COL14A1: variants seen among roughly 807,000 people sequenced by gnomAD.
The protein encoded by COL14A1 is collagen alpha-1(XIV) chain.
Under a neutral mutation model 230.3 loss-of-function variants are expected in COL14A1, and 136 were observed. The ratio of observed to expected loss-of-function variants is 0.59; its 90% CI spans 0.51 to 0.68. The LOEUF (loss-of-function observed/expected upper bound fraction) is 0.68. Ranked by LOEUF, COL14A1 falls within the 30% of genes least tolerant of loss-of-function variation. The pLI, the probability that COL14A1 is intolerant of heterozygous loss-of-function variation, is 0.00. For synonymous variants in COL14A1, 792 were observed against 784.1 expected, an observed-to-expected ratio of 1.01 and a Z score of -0.17; for missense variants, 1,976 against 2,215.8, an observed-to-expected ratio of 0.89 and a Z score of 2.17.
chr8:120,210,753 A>C (rs544330990), intron 12 of COL14A1, among the ~76,000 whole-genome samples: 23 of 152,286 alleles, frequency 1.5e-4, no homozygotes, highest in Non-Finnish European at 2.8e-4. Flanking sequence ...TGATTGTCTA[A>C]AATTGTGTAA....
rs1341310627 is a variant in COL14A1, at chr8:120,168,257, G to T, written c.436+10G>T. 11 of 1,590,562 alleles carry T rather than the reference G, an allele frequency of 6.9e-6. No homozygotes were observed. Among genetic ancestry groups the T allele is most frequent in the Non-Finnish European group, 7.7e-6 (9 of 1,161,578 alleles). On this transcript the variant is annotated intron_variant, in intron 5 of 47. Coordinates refer to ENST00000297848, the MANE Select transcript of COL14A1 (RefSeq NM_021110.4). The stretch of plus-strand genomic sequence containing the variant: ...CCATCTTCACCAGAAGGTCAGAGAC[G>T]ATTTTAATTAACTCATATTGGGAGT...
At chr8:120,370,849 A>G in intron 47 of COL14A1, 1 of 1,341,030 alleles carries the variant, frequency 7.5e-7, no homozygotes, top group Non-Finnish European at 9.8e-7. Context: ...TTTTAAAAAA[A>G]TTTCTATTTC....
chr8:120,182,171 A>T (rs1816484172), intron 5 of COL14A1, among the ~76,000 whole-genome samples: 1 of 152,234 alleles, frequency 6.6e-6, no homozygotes, highest in South Asian at 2.1e-4. Context: ...TCTGTCTGAA[A>T]TAAGTTTTCA....
At chr8:120,324,014 A>T (rs1377658630) in intron 40 of COL14A1, among the ~76,000 whole-genome samples, 1 of 152,172 alleles carries the variant, frequency 6.6e-6, no homozygotes, top group East Asian at 1.9e-4. Flanking sequence ...AGTGGGAGCT[A>T]AATGTTGAGT....
chr8:120,182,236 A>G (rs1468457097), intron 5 of COL14A1, among the ~76,000 whole-genome samples: 1 of 152,196 alleles, frequency 6.6e-6, no homozygotes, highest in Non-Finnish European at 1.5e-5. Flanking sequence ...ACAATCAGAT[A>G]CCTTACAGCT....
intron 5 of COL14A1, among the ~76,000 whole-genome samples, chr8:120,192,577 A>T (rs1816865621): frequency 6.6e-6 from 1 of 152,070 alleles, no homozygotes; most frequent in Admixed American, 6.6e-5. Context: ...TATTTCCTGA[A>T]TCTGAATGTT....
intron 1 of COL14A1, among the ~76,000 whole-genome samples, chr8:120,142,426 C>T (rs902833570): frequency 6.6e-6 from 1 of 152,114 alleles, no homozygotes; most frequent in Admixed American, 6.6e-5. Flanking sequence ...ATATGTATAC[C>T]CTGGGGCTTT....
chr8:120,342,492 C>T (rs1822340404), intron 44 of COL14A1, 46 bp downstream of exon 44: 1 of 1,572,236 alleles, frequency 6.4e-7, no homozygotes, highest in Admixed American at 1.7e-5. Flanking sequence ...AACAAACTCT[C>T]ATCCAAAAGA....
intron 5 of COL14A1, among the ~76,000 whole-genome samples, chr8:120,195,246 AT>A (rs201833058): frequency 2.0e-5 from 3 of 151,512 alleles, no homozygotes; most frequent in Non-Finnish European, 2.9e-5. Context: ...TAGTTCAACT[AT>A]TTTTTTTTAA....
At chr8:120,162,380 TGGA>T in intron 3 of COL14A1, 43 bp from the exon 4 acceptor site, 4 of 1,520,858 alleles carry the variant, frequency 2.6e-6, no homozygotes, top group Non-Finnish European at 3.5e-6. Flanking sequence ...ATGTACACAG[TGGA>T]CCTTATTTCT....
In COL14A1 at chr8:120,275,403, C is replaced by T. The variant is rs538629495; in HGVS notation, c.3214-2708C>T. On this transcript the variant is annotated intron_variant, in intron 26 of 47. Transcript: ENST00000297848. ...GATAAAAATTCTAGGAGATAACCTG[C>T]GAAAAACTCTTCTGGACATTGACCT... 5.9e-4 allele frequency among the ~76,000 whole-genome samples: 89 copies of T among 151,602 alleles called. 1 individual carries two copies. The highest frequency in any genetic ancestry group is 2.8e-4 in the Non-Finnish European group (19 of 67,690).
chr8:120,128,228 CGTGTGTGTGTGTGT>C lies in COL14A1; in HGVS notation c.-38+2909_-38+2922del, dbSNP rs33988612. ...ACGTGTGTGTGTGTGTGTGCGCGCG[CGTGTGTGTGTGTGT>C]GTGTGTGTGTGTGTGTGTGTTGGAA... On this transcript the variant is annotated intron_variant, in intron 1 of 47. Transcript: ENST00000297848. Among the ~76,000 whole-genome samples the C allele has an allele frequency of 3.4e-3, 503 of 146,786 alleles. 2 individuals carry two copies. The highest frequency in any genetic ancestry group is 0.012 in the African/African-American group (472 of 39,974).
chr8:120,329,022 C>G (rs1478573721), intron 40 of COL14A1, among the ~76,000 whole-genome samples: 1 of 152,126 alleles, frequency 6.6e-6, no homozygotes, highest in Non-Finnish European at 1.5e-5. Context: ...AGTTTTAAAG[C>G]AGGAAGCAAA....
chr8:120,222,771 C>CAAA (rs397762677), intron 14 of COL14A1, among the ~76,000 whole-genome samples: 1 of 150,962 alleles, frequency 6.6e-6, no homozygotes, highest in Admixed American at 6.6e-5. Flanking sequence ...TCTATTCACT[C>CAAA]AAAAAAAAAT....
chr8:120,255,389 A>G (rs1819112789), intron 23 of COL14A1, 33 bp downstream of exon 23: 1 of 1,478,406 alleles, frequency 6.8e-7, no homozygotes, highest in South Asian at 1.1e-5. Flanking sequence ...GTTTTTGTCA[A>G]GCATTTGTGT....
At chr8:120,346,764 C>T (rs1403660412) in intron 45 of COL14A1, among the ~76,000 whole-genome samples, 1 of 152,190 alleles carries the variant, frequency 6.6e-6, no homozygotes, top group Non-Finnish European at 1.5e-5. Flanking sequence ...GATGCCCTTA[C>T]TGTCTTTTCT....
chr8:120,343,225 A>G (rs929477179), intron 44 of COL14A1, among the ~76,000 whole-genome samples: 10 of 152,082 alleles, frequency 6.6e-5, no homozygotes, highest in Non-Finnish European at 1.3e-4. Context: ...TTTGCCAGTA[A>G]TTTGTTCAGT....
intron 12 of COL14A1, among the ~76,000 whole-genome samples, chr8:120,210,961 A>G (rs899860467): frequency 6.6e-6 from 1 of 152,072 alleles, no homozygotes; most frequent in African/African-American, 2.4e-5. Context: ...CAGCCTCACT[A>G]TGAAAGAGAA....
rs528141687 is a variant in COL14A1, at chr8:120,339,948, G to T, written c.4786-1377G>T. Reference sequence around the variant, plus strand: ...AGCTACTCAGGAGGCTGAGGCAGGAGAATCACTTGAACCCAGGAGCCAGAG... The same window carrying T: ...AGCTACTCAGGAGGCTGAGGCAGGATAATCACTTGAACCCAGGAGCCAGAG... On this transcript the variant is annotated intron_variant, in intron 42 of 47. Transcript: ENST00000297848. 9.1e-4 allele frequency among the ~76,000 whole-genome samples: 136 copies of T among 149,690 alleles called. 1 individual carries two copies. The highest frequency in any genetic ancestry group is 3.2e-3 in the African/African-American group (129 of 40,500).
Sources: gnomAD v4.1 joint callset for allele counts (sites outside exome capture counted in the v4.1 genomes callset) on GRCh38, gnomAD v4.1.1 for gene constraint, MANE v1.5 for transcripts, NCBI Gene and HGNC (gene_info 2026-07-23, HGNC 2026-07-21) for gene names.